ARHGAP6: variants seen among roughly 807,000 people sequenced by gnomAD.
ARHGAP6 encodes rho GTPase-activating protein 6.
A neutral mutation model predicts 55.7 loss-of-function variants in ARHGAP6; 16 were observed. That is an observed-to-expected ratio of 0.29 (90% confidence interval 0.19 to 0.44). ARHGAP6 has a LOEUF of 0.44. Ranked by LOEUF, ARHGAP6 falls within the 20% of genes least tolerant of loss-of-function variation. The probability of loss-of-function intolerance (pLI) is 1.00; values close to 1 mark genes in which losing one functional copy is unlikely to be tolerated. For missense variants in ARHGAP6, 698 were observed against 808.9 expected (o/e 0.86, Z 1.66); for synonymous variants, 382 against 360.9 (o/e 1.06, Z -0.66).
At chrX:11,305,009 A>G (rs1179512860) in intron 1 of ARHGAP6, among the ~76,000 whole-genome samples, 1 of 108,076 alleles carries the variant, frequency 9.3e-6, no homozygotes, top group African/African-American at 3.4e-5. Context: ...GGATTGCTCA[A>G]TCTCCTGACC....
intron 1 of ARHGAP6, among the ~76,000 whole-genome samples, chrX:11,483,068 A>C (rs950981810): frequency 8.9e-6 from 1 of 111,895 alleles, no homozygotes; most frequent in Non-Finnish European, 1.9e-5. Flanking sequence ...GCACCAGAGG[A>C]ACACAGTCGA....
intron 1 of ARHGAP6, among the ~76,000 whole-genome samples, chrX:11,371,003 T>C (rs916850695): frequency 8.9e-6 from 1 of 112,311 alleles, no homozygotes; most frequent in Non-Finnish European, 1.9e-5. Flanking sequence ...AACTAATTTA[T>C]ATTTTCCACC....
chrX:11,650,004 T>C (rs1239477702), intron 1 of ARHGAP6, among the ~76,000 whole-genome samples: 3 of 105,183 alleles, frequency 2.9e-5, no homozygotes, highest in Non-Finnish European at 5.9e-5. Context: ...TTTTTTTTTT[T>C]TTTTTCCTAA....
intron 1 of ARHGAP6, among the ~76,000 whole-genome samples, chrX:11,623,959 C>A (rs1251254919): frequency 9.0e-6 from 1 of 111,315 alleles, no homozygotes; most frequent in Non-Finnish European, 1.9e-5. Flanking sequence ...AGAGGCATCA[C>A]ACTACTTGAC....
intron 1 of ARHGAP6, among the ~76,000 whole-genome samples, chrX:11,339,023 A>T (rs981602296): frequency 1.8e-5 from 2 of 111,977 alleles, no homozygotes; most frequent in Non-Finnish European, 3.8e-5. Flanking sequence ...CCTTCTGAAG[A>T]TGTGTCTGGA....
At chrX:11,311,332 T>C (rs929791163) in intron 1 of ARHGAP6, among the ~76,000 whole-genome samples, 28 of 112,174 alleles carry the variant, frequency 2.5e-4, no homozygotes, top group African/African-American at 9.1e-4. Context: ...TGCTTGTTTG[T>C]TTCCATATCC....
chrX:11,298,769 C>T lies in ARHGAP6; in HGVS notation c.589-44062G>A, dbSNP rs147013110. ...ACCACCAGCCAAACCTCCCTCCGCCCGCCCAGCAGCCCTACCAGCCCCAGC... is the reference window on the plus strand; with the variant it reads ...ACCACCAGCCAAACCTCCCTCCGCCTGCCCAGCAGCCCTACCAGCCCCAGC... On this transcript the variant is annotated intron_variant, in intron 1 of 12. Transcript: ENST00000337414. 316 of 1,208,785 alleles carry T rather than the reference C, an allele frequency of 2.6e-4. No individual in the cohort carries two copies. In the African/African-American group the frequency reaches 4.3e-3, roughly 17 times the overall value.
chrX:11,216,712 A>AC (rs1345297676), intron 2 of ARHGAP6, among the ~76,000 whole-genome samples: 7 of 96,560 alleles, frequency 7.2e-5, no homozygotes, highest in African/African-American at 3.0e-4. Context: ...TTTTGATGTA[A>AC]CTTTTTTCTT....
chrX:11,589,233 G>T (rs2051774655), intron 1 of ARHGAP6, among the ~76,000 whole-genome samples: 1 of 106,919 alleles, frequency 9.4e-6, no homozygotes, highest in South Asian at 4.3e-4. Flanking sequence ...GTGGAGACGG[G>T]GTTTCACCAT....
intron 1 of ARHGAP6, among the ~76,000 whole-genome samples, chrX:11,399,387 T>C (rs1168657237): frequency 1.9e-5 from 2 of 105,940 alleles, no homozygotes; most frequent in African/African-American, 6.9e-5. Flanking sequence ...ACCACTGGCT[T>C]AAATAAAGAC....
chrX:11,300,410 T>C (rs1360899063), intron 1 of ARHGAP6, among the ~76,000 whole-genome samples: 2 of 111,792 alleles, frequency 1.8e-5, no homozygotes, highest in Non-Finnish European at 1.9e-5. Context: ...TTAAGTGTCC[T>C]GAAGGTGGAA....
At chrX:11,255,500 T>C (rs758487675) in intron 1 of ARHGAP6, among the ~76,000 whole-genome samples, 34 of 110,932 alleles carry the variant, frequency 3.1e-4, no homozygotes, top group Non-Finnish European at 3.8e-4. Context: ...CAATATAATA[T>C]AGATGATGAA....
intron 2 of ARHGAP6, among the ~76,000 whole-genome samples, chrX:11,240,203 C>G (rs1240934759): frequency 8.9e-6 from 1 of 112,368 alleles, no homozygotes; most frequent in Non-Finnish European, 1.9e-5. Flanking sequence ...ACAAGTCAGG[C>G]TGGACAAAGG....
chrX:11,403,330 G>A (rs951542822), intron 1 of ARHGAP6, among the ~76,000 whole-genome samples: 1 of 111,409 alleles, frequency 9.0e-6, no homozygotes. Flanking sequence ...AAGCCCTGGT[G>A]TCAAATACGA....
At chrX:11,368,508 C>T (rs1050948216) in intron 1 of ARHGAP6, among the ~76,000 whole-genome samples, 1 of 111,892 alleles carries the variant, frequency 8.9e-6, no homozygotes, top group Non-Finnish European at 1.9e-5. Flanking sequence ...AAATAGCATT[C>T]TTATTCCTCC....
intron 1 of ARHGAP6, among the ~76,000 whole-genome samples, chrX:11,438,508 G>C (rs1451945434): frequency 8.9e-6 from 1 of 112,536 alleles, no homozygotes; most frequent in Non-Finnish European, 1.9e-5. Flanking sequence ...GCACATAGAA[G>C]CTCTGTATCA....
rs149127840 is a variant in ARHGAP6, at chrX:11,586,976, C to T, written c.588+77265G>A. 7.5e-3 allele frequency among the ~76,000 whole-genome samples: 841 copies of T among 111,484 alleles called. 11 individuals carry two copies. The highest frequency in any genetic ancestry group is 0.026 in the African/African-American group (803 of 30,671). On this transcript the variant is annotated intron_variant, in intron 1 of 12. Transcript: ENST00000337414. ...GTTACTGATTTGGCTCTTGACTTGA[C>T]GGTTGTTGGTGTATAGGAATGCTAG...
chrX:11,187,887 C>T (rs920133366), intron 4 of ARHGAP6, among the ~76,000 whole-genome samples: 2 of 111,391 alleles, frequency 1.8e-5, no homozygotes, highest in Non-Finnish European at 3.8e-5. Flanking sequence ...ATAATAACAG[C>T]TAGGCGTGGT....
chrX:11,527,297 T>C (rs943055884), intron 1 of ARHGAP6, among the ~76,000 whole-genome samples: 8 of 111,681 alleles, frequency 7.2e-5, no homozygotes, highest in African/African-American at 2.6e-4. Context: ...GTGAGATATA[T>C]GTATAAAGAT....
Sources: gnomAD v4.1 joint callset for allele counts (sites outside exome capture counted in the v4.1 genomes callset) on GRCh38, gnomAD v4.1.1 for gene constraint, MANE v1.5 for transcripts, NCBI Gene and HGNC (gene_info 2026-07-23, HGNC 2026-07-21) for gene names.